The following SASH1 variants were observed in gnomAD, a reference collection of about 807,000 sequenced individuals.
SASH1 encodes SAM and SH3 domain-containing protein 1.
Under a neutral mutation model 125.2 loss-of-function variants are expected in SASH1, and 44 were observed. The ratio of observed to expected loss-of-function variants is 0.35; its 90% CI spans 0.28 to 0.45. The LOEUF is 0.45. SASH1 is among the 20% of genes least tolerant of loss of function. The pLI, the probability that SASH1 is intolerant of heterozygous loss-of-function variation, is 1.00. For synonymous variants in SASH1, 639 were observed against 649.1 expected, an observed-to-expected ratio of 0.98 and a Z score of 0.24; for missense variants, 1,426 against 1,614.5, an observed-to-expected ratio of 0.88 and a Z score of 2.00.
At chr6:148,379,149 C>T (rs1783031915) in intron 1 of SASH1, among the ~76,000 whole-genome samples, 1 of 151,958 alleles carries the variant, frequency 6.6e-6, no homozygotes, top group Non-Finnish European at 1.5e-5. Context: ...AAGTGCATGC[C>T]CTCTATATTC....
chr6:148,396,201 G>T (rs1003459618), intron 2 of SASH1, among the ~76,000 whole-genome samples: 2 of 152,022 alleles, frequency 1.3e-5, no homozygotes, highest in African/African-American at 4.8e-5. Flanking sequence ...ATTGCTGGAC[G>T]GGTGCAGTGG....
rs771824002 is a variant in SASH1 at position 148,514,425 on chromosome 6, G to A, written c.831G>A (p.Arg277=). The change falls in exon 9 of 20, where the codon AGG becomes AGA. Residue 277 remains arginine (R), a synonymous_variant. Transcript: ENST00000367467. ...STRRVRKKLI[R]VEEMKKPSTE... is the part of the protein sequence containing the mutation. ...GCAGAGTCAGAAAGAAACTAATTAG[G>A]GTGGAAGAAATGAAAAAACCCAGCA... is the stretch of plus-strand genomic sequence containing the variant. 1.4e-6 allele frequency: 2 copies of A among 1,391,742 alleles called. No individual in the cohort carries two copies. The highest frequency in any genetic ancestry group is 3.2e-5 in the African/African-American group (2 of 62,208). 86.2% of individuals were successfully genotyped at this position (1,391,742 alleles called of 1,614,324 possible).
intron 1 of SASH1, among the ~76,000 whole-genome samples, chr6:148,284,508 A>G (rs559658266): frequency 1.3e-5 from 2 of 152,352 alleles, no homozygotes; most frequent in Non-Finnish European, 2.9e-5. Context: ...CAAAATAACC[A>G]TAATTGCATA....
chr6:148,444,928 T>G (rs1422540257), intron 4 of SASH1, among the ~76,000 whole-genome samples: 1 of 152,218 alleles, frequency 6.6e-6, no homozygotes, highest in Non-Finnish European at 1.5e-5. Flanking sequence ...GAATTATTTA[T>G]GAGTTTTCTG....
In SASH1 at chr6:148,464,613, G is replaced by T. The variant is rs1394646824; in HGVS notation, c.387-3932G>T. 2.0e-5 allele frequency among the ~76,000 whole-genome samples: 3 copies of T among 152,092 alleles called. No individual in the cohort carries two copies. In the East Asian group the frequency reaches 5.8e-4, roughly 29 times the overall value. On this transcript the variant is annotated intron_variant, in intron 4 of 19. Coordinates refer to ENST00000367467, the MANE Select transcript of SASH1 (RefSeq NM_015278.5). ...TTCCACCTGCTGCCATCCACTTTTG[G>T]ACTTGGGTTATATCATTGATTTTTG...
chr6:148,399,214 C>CTTTTTTTTTTTTTTTT (rs371374910), intron 2 of SASH1, among the ~76,000 whole-genome samples: 58 of 106,660 alleles, frequency 5.4e-4, no homozygotes, highest in African/African-American at 7.8e-4. Flanking sequence ...ATTTCAGCTT[C>CTTTTTTTTTTTTTTTT]TTTTTTTTTT....
At chr6:148,202,509 G>A in the SASH1 span, among the ~76,000 whole-genome samples, 1 of 152,190 alleles carries the variant, frequency 6.6e-6, no homozygotes, top group Non-Finnish European at 1.5e-5. Flanking sequence ...CGGGAGGCTG[G>A]AAAACTAGGC....
intron 2 of SASH1, among the ~76,000 whole-genome samples, chr6:148,411,705 A>G (rs562953286): frequency 2.6e-5 from 4 of 152,152 alleles, no homozygotes; most frequent in Non-Finnish European, 2.9e-5. Flanking sequence ...CACTACTTCC[A>G]AATAATTTTT....
chr6:148,364,889 T>G (rs7738647), intron 1 of SASH1, among the ~76,000 whole-genome samples: 107,185 of 152,066 alleles, frequency 0.7, 38,038 homozygotes, highest in African/African-American at 0.78. Flanking sequence ...TTGGGAGGCT[T>G]AGGAAGACAG....
At chr6:148,396,743 G>A (rs1287753815) in intron 2 of SASH1, among the ~76,000 whole-genome samples, 2 of 152,242 alleles carry the variant, frequency 1.3e-5, no homozygotes, top group Non-Finnish European at 2.9e-5. Context: ...AACATTAATG[G>A]AAAGAGGCTG....
chr6:148,449,074 A>ATTTTTTTTTTT (rs1562419990), intron 4 of SASH1, among the ~76,000 whole-genome samples: 1 of 32,746 alleles, frequency 3.1e-5, no homozygotes, highest in Non-Finnish European at 6.4e-5. Flanking sequence ...ATTTCATTTC[A>ATTTTTTTTTTT]TTTCTTTTTT....
At chr6:148,490,025 A>AAC (rs1331978634) in intron 8 of SASH1, among the ~76,000 whole-genome samples, 1 of 146,464 alleles carries the variant, frequency 6.8e-6, no homozygotes, top group Non-Finnish European at 1.5e-5. Flanking sequence ...AAAAAAAAAA[A>AAC]AAAAAAAACA....
At chr6:148,478,254 G>A (rs569276465) in intron 7 of SASH1, among the ~76,000 whole-genome samples, 18 of 152,268 alleles carry the variant, frequency 1.2e-4, no homozygotes, top group African/African-American at 4.3e-4. Context: ...GTTGACGATC[G>A]CCAAGACTTG....
At chr6:148,325,150 G>T (rs905861386) in intron 1 of SASH1, among the ~76,000 whole-genome samples, 5 of 152,176 alleles carry the variant, frequency 3.3e-5, no homozygotes, top group African/African-American at 9.7e-5. Context: ...GTTCTGCATG[G>T]CTGGGGAGGC....
chr6:148,303,782 AAAATAAATAAATAAATAAAT>A (rs201590424), intron 1 of SASH1, among the ~76,000 whole-genome samples: 2 of 147,388 alleles, frequency 1.4e-5, no homozygotes, highest in East Asian at 2.0e-4. Context: ...CTGTCTCAAC[AAAATAAATAAATAAATAAAT>A]AAATAAATAA....
the SASH1 span, among the ~76,000 whole-genome samples, chr6:148,207,680 C>T: frequency 1.3e-4 from 20 of 152,100 alleles, no homozygotes; most frequent in Non-Finnish European, 2.9e-4. Context: ...TTCATTTGCC[C>T]CTGCTTTTCA....
intron 4 of SASH1, among the ~76,000 whole-genome samples, chr6:148,443,018 T>A (rs1776610158): frequency 6.6e-6 from 1 of 151,894 alleles, no homozygotes; most frequent in Non-Finnish European, 1.5e-5. Flanking sequence ...TCAAATGATC[T>A]GCCCGCCTCA....
At position 148,549,728 on chromosome 6, in the gene SASH1, C is replaced by T. The variant is rs1002794594; in HGVS notation, c.*1170C>T. 2 of 396,134 alleles carry T rather than the reference C, an allele frequency of 5.0e-6. No individual in the cohort carries two copies. Among genetic ancestry groups the T allele is most frequent in the African/African-American group, 4.1e-5 (2 of 48,482 alleles). 24.5% of individuals were successfully genotyped at this position (396,134 alleles called of 1,614,324 possible). A position where few individuals can be genotyped will look rare whatever the true frequency, so the allele number is the denominator to read the frequency against. ...TTCTTTTAATTTAAACAAAGGTTCA[C>T]TATGGAACCAGACAAATCTCATTAG... On this transcript the variant is annotated 3_prime_UTR_variant, in exon 20 of 20. Transcript: ENST00000367467.
In SASH1 at chr6:148,306,661, C is replaced by T. The variant is rs1423871401; in HGVS notation, n.74+34284C>T. On this transcript the variant is annotated intron_variant and non_coding_transcript_variant, in intron 1 of 3. Coordinates refer to the SASH1 transcript ENST00000367469. ...AGTCTTTCCCTCCTATTCGCACAGT[C>T]TCCTCTCCCTAGAAACACACACAAG... is the stretch of plus-strand genomic sequence containing the variant. 2.0e-5 allele frequency among the ~76,000 whole-genome samples: 3 copies of T among 152,142 alleles called. No individual in the cohort carries two copies. The East Asian group carries it at 5.8e-4, about 29-fold the overall frequency.
Sources: gnomAD v4.1 joint callset for allele counts (sites outside exome capture counted in the v4.1 genomes callset) on GRCh38, gnomAD v4.1.1 for gene constraint, MANE v1.5 for transcripts, NCBI Gene and HGNC (gene_info 2026-07-23, HGNC 2026-07-21) for gene names.